Variants in SLC35F4 observed in about 807,000 individuals in gnomAD.
SLC35F4 encodes chromosome 14 open reading frame 36.
SLC35F4 carries 24 observed loss-of-function variants against 44.2 expected under a neutral mutation model. That is an observed-to-expected ratio of 0.54 (90% CI 0.39 to 0.76). The LOEUF (loss-of-function observed/expected upper bound fraction) is 0.76, where lower values mean the gene tolerates loss of function less well. SLC35F4 is among the 30% of genes least tolerant of loss of function. The pLI is 0.00. For synonymous variants in SLC35F4, 238 were observed against 223.6 expected, an observed-to-expected ratio of 1.06 and a Z score of -0.57; for missense variants, 562 against 586.1, an observed-to-expected ratio of 0.96 and a Z score of 0.42.
intron 1 of SLC35F4, among the ~76,000 whole-genome samples, chr14:57,650,444 CT>C (rs2073738070): frequency 6.6e-6 from 1 of 152,216 alleles, no homozygotes; most frequent in African/African-American, 2.4e-5. Flanking sequence ...TCCCACACCC[CT>C]GTCATCTAAT....
intron 6 of SLC35F4, among the ~76,000 whole-genome samples, chr14:57,568,701 C>G (rs1018915708): frequency 1.3e-5 from 2 of 152,158 alleles, no homozygotes; most frequent in African/African-American, 4.8e-5. Flanking sequence ...GAACATTTAG[C>G]TCCCAGGAAT....
intron 1 of SLC35F4, among the ~76,000 whole-genome samples, chr14:57,739,313 G>A (rs181242192): frequency 6.6e-6 from 1 of 152,322 alleles, no homozygotes; most frequent in East Asian, 1.9e-4. Context: ...CATTCAGGGA[G>A]TAGGAGGACC....
chr14:57,956,966 TTCTAC>T (rs1890248895), intron 1 of SLC35F4, among the ~76,000 whole-genome samples: 1 of 152,190 alleles, frequency 6.6e-6, no homozygotes, highest in Admixed American at 6.5e-5. Context: ...TTATAAATCA[TTCTAC>T]TATAAAGACA....
At position 57,958,148 on chromosome 14, in the gene SLC35F4, C is replaced by T. The variant is rs374639977; in HGVS notation, n.282+23765G>A. On this transcript the variant is annotated intron_variant and non_coding_transcript_variant, in intron 1 of 1. Transcript: ENST00000556568. ...TCTCAGCTCACCGCAAGCTCTGCCT[C>T]CCAGGTTCACGCCGTTCTCCTGCCT... Among the ~76,000 whole-genome samples the T allele has an allele frequency of 2.3e-3, 351 of 152,046 alleles. 4 individuals are homozygous for T. Among genetic ancestry groups the T allele is most frequent in the African/African-American group, 7.6e-3 (314 of 41,456 alleles).
At chr14:57,700,167 T>A (rs2140362404) in intron 1 of SLC35F4, among the ~76,000 whole-genome samples, 1 of 152,340 alleles carries the variant, frequency 6.6e-6, no homozygotes, top group Non-Finnish European at 1.5e-5. Flanking sequence ...TATAGCCTAC[T>A]ACATACCTAG....
chr14:57,684,112 C>T (rs1216300099), intron 1 of SLC35F4, among the ~76,000 whole-genome samples: 2 of 152,112 alleles, frequency 1.3e-5, no homozygotes, highest in Non-Finnish European at 2.9e-5. Context: ...TATTCTCTGC[C>T]TTCTAGGGGA....
chr14:57,686,951 A>G (rs1171024351), intron 1 of SLC35F4, among the ~76,000 whole-genome samples: 1 of 142,800 alleles, frequency 7.0e-6, no homozygotes. Flanking sequence ...CTTTATAGGA[A>G]TAATTAGGTG....
At chr14:57,768,748 G>C (rs1005307940) in intron 1 of SLC35F4, among the ~76,000 whole-genome samples, 2 of 151,364 alleles carry the variant, frequency 1.3e-5, no homozygotes, top group Non-Finnish European at 3.0e-5. Flanking sequence ...TTGGGTTCTT[G>C]GTTTTTTTTT....
chr14:57,781,430 T>C (rs8006678), intron 1 of SLC35F4, among the ~76,000 whole-genome samples: 18,393 of 152,068 alleles, frequency 0.12, 2,475 homozygotes, highest in African/African-American at 0.33. Flanking sequence ...ACTGGTGAGG[T>C]TGCAGAGAAG....
At chr14:57,585,472 G>A (rs1035374436) in intron 3 of SLC35F4, among the ~76,000 whole-genome samples, 11 of 152,108 alleles carry the variant, frequency 7.2e-5, no homozygotes, top group Admixed American at 1.3e-4. Flanking sequence ...ATTCAACATA[G>A]TATTGGAAGT....
rs547023667 is a variant in SLC35F4, at chr14:57,963,799, T to C, written n.282+18114A>G. Among the ~76,000 whole-genome samples the C allele has an allele frequency of 1.1e-4, 15 of 141,668 alleles. No individual in the cohort carries two copies. In the East Asian group the frequency reaches 3.5e-3, roughly 33 times the overall value. The allele number at this position is 141,668 out of a possible 152,430, so 92.9% of individuals were successfully genotyped here. On this transcript the variant is annotated intron_variant and non_coding_transcript_variant, in intron 1 of 1. Transcript: ENST00000556568. ...GTGCAGTCGTGCAATCGTATTTCAC[T>C]GCCACTTCAACTTCCTGGGCTCAAG... is the stretch of plus-strand genomic sequence containing the variant.
At chr14:57,810,525 T>A (rs1251497214) in intron 1 of SLC35F4, among the ~76,000 whole-genome samples, 1 of 152,204 alleles carries the variant, frequency 6.6e-6, no homozygotes, top group Non-Finnish European at 1.5e-5. Flanking sequence ...TATCCTCAAT[T>A]TTAGCCTCTC....
At chr14:57,625,682 C>T (rs2140110031) in intron 1 of SLC35F4, among the ~76,000 whole-genome samples, 1 of 152,252 alleles carries the variant, frequency 6.6e-6, no homozygotes, top group East Asian at 1.9e-4. Context: ...ACAAACCTGA[C>T]AAAAACAAGC....
chr14:57,739,987 G>A (rs1478354797), intron 1 of SLC35F4, among the ~76,000 whole-genome samples: 2 of 152,164 alleles, frequency 1.3e-5, no homozygotes, highest in Non-Finnish European at 2.9e-5. Flanking sequence ...AGCCTCCTGA[G>A]TAGCTGGGTT....
At chr14:57,625,916 C>G (rs2072451723) in intron 1 of SLC35F4, among the ~76,000 whole-genome samples, 1 of 152,102 alleles carries the variant, frequency 6.6e-6, no homozygotes, top group Admixed American at 6.6e-5. Context: ...AGACTTGGAA[C>G]CAACCCAAAT....
intron 1 of SLC35F4, among the ~76,000 whole-genome samples, chr14:57,662,042 T>C (rs1259671928): frequency 1.3e-5 from 2 of 152,132 alleles, no homozygotes; most frequent in Admixed American, 6.5e-5. Context: ...AAAAACACTA[T>C]TTTAAACATA....
intron 1 of SLC35F4, among the ~76,000 whole-genome samples, chr14:57,689,919 G>A (rs781026923): frequency 3.9e-5 from 6 of 152,070 alleles, no homozygotes; most frequent in Non-Finnish European, 7.4e-5. Context: ...TAAAGATACA[G>A]CTCAAATTTT....
chr14:57,978,824 C>T (rs1244240173), intron 1 of SLC35F4, among the ~76,000 whole-genome samples: 5 of 152,204 alleles, frequency 3.3e-5, no homozygotes, highest in African/African-American at 9.6e-5. Context: ...ATAGGTTCCA[C>T]TGAGTCTGAA....
chr14:57,663,886 C>G (rs980047932), intron 1 of SLC35F4, among the ~76,000 whole-genome samples: 4 of 152,094 alleles, frequency 2.6e-5, no homozygotes, highest in Admixed American at 6.5e-5. Flanking sequence ...AGGTGCTACA[C>G]AATCTGCAGG....
Sources: allele counts gnomAD v4.1 joint callset (sites outside exome capture counted in the v4.1 genomes callset), GRCh38; gene constraint gnomAD v4.1.1; transcripts MANE v1.5; gene names NCBI Gene and HGNC (gene_info 2026-07-23, HGNC 2026-07-21).